The following AGAP1 variants were observed in gnomAD, a reference collection of about 807,000 sequenced individuals.
The protein encoded by AGAP1 is ArfGAP with GTPase domain, ankyrin repeat and PH domain 1.
In AGAP1, 29 loss-of-function variants were observed where a neutral mutation model predicts 105.3. That is an observed-to-expected ratio of 0.28 (90% CI 0.21 to 0.38). The LOEUF (loss-of-function observed/expected upper bound fraction) is 0.38, where lower values mean the gene tolerates loss of function less well. AGAP1 is among the 10% of genes least tolerant of loss of function. The probability of loss-of-function intolerance (pLI) is 1.00; values close to 1 mark genes in which losing one functional copy is unlikely to be tolerated. For synonymous variants in AGAP1, 509 were observed against 485.9 expected (o/e 1.05, Z -0.63); for missense variants, 998 against 1,165.1 (o/e 0.86, Z 2.09).
intron 12 of AGAP1, among the ~76,000 whole-genome samples, chr2:235,944,803 G>A (rs1238823775): frequency 2.6e-5 from 4 of 152,088 alleles, no homozygotes; most frequent in Non-Finnish European, 5.9e-5. Flanking sequence ...GGCGGGTCAG[G>A]CCCCCAGATG....
At chr2:235,826,526 T>G (rs1362613060) in intron 9 of AGAP1, among the ~76,000 whole-genome samples, 1 of 152,080 alleles carries the variant, frequency 6.6e-6, no homozygotes, top group South Asian at 2.1e-4. Flanking sequence ...CTCGGCTCAC[T>G]GCAACCTCCA....
In AGAP1 at chr2:235,724,257, C is replaced by T. The variant is rs538287994; in HGVS notation, c.310+6613C>T. On this transcript the variant is annotated intron_variant, in intron 3 of 17. Coordinates refer to ENST00000304032, the MANE Select transcript of AGAP1 (RefSeq NM_001037131.3). The surrounding 1 kb of genome is among the most constrained non-coding windows in gnomAD (Gnocchi z 4.9). ...AGCCAGCGAGCTCCTGGCCGGGAGCCTGGTAATGGGGATGGCTGGTAAAGG... is the reference window on the plus strand; with the variant it reads ...AGCCAGCGAGCTCCTGGCCGGGAGCTTGGTAATGGGGATGGCTGGTAAAGG... Among the ~76,000 whole-genome samples the T allele has an allele frequency of 6.6e-6, 1 of 152,328 alleles. No individual in the cohort carries two copies. The highest frequency in any genetic ancestry group is 1.5e-5 in the Non-Finnish European group (1 of 68,022).
At chr2:235,802,961 T>TGTG (rs1957602071) in intron 8 of AGAP1, among the ~76,000 whole-genome samples, 1 of 24,206 alleles carries the variant, frequency 4.1e-5, no homozygotes, top group Non-Finnish European at 8.8e-5. Flanking sequence ...TGATGATGGT[T>TGTG]GTGATGATGG....
intron 16 of AGAP1, among the ~76,000 whole-genome samples, chr2:236,060,443 C>T (rs2058159479): frequency 6.6e-6 from 1 of 152,080 alleles, no homozygotes; most frequent in African/African-American, 2.4e-5. Flanking sequence ...AACCCTAGCA[C>T]TTTGGGAGGC....
Position 235,663,253 on chromosome 2 carries a change from G to A in AGAP1, c.164-45926G>A, listed in dbSNP as rs1186718912. Among the ~76,000 whole-genome samples the A allele has an allele frequency of 6.6e-6, 1 of 152,088 alleles. No individual in the cohort carries two copies. The highest frequency in any genetic ancestry group is 2.4e-5 in the African/African-American group (1 of 41,422). On this transcript the variant is annotated intron_variant, in intron 1 of 17. Transcript: ENST00000304032. The surrounding 1 kb of genome is among the most constrained non-coding windows in gnomAD (Gnocchi z 5.4). The stretch of plus-strand genomic sequence containing the variant: ...GAACCTGGGAGACAGAGGTTGCAGT[G>A]AGCCAAGATTGCACCATTGCACTCC...
chr2:235,907,992 A>T (rs548561538), intron 10 of AGAP1, among the ~76,000 whole-genome samples: 6 of 152,216 alleles, frequency 3.9e-5, no homozygotes, highest in Non-Finnish European at 7.3e-5. Flanking sequence ...AGTGATGATG[A>T]TGCTGCACTA....
chr2:236,026,326 A>G (rs2057052202), intron 13 of AGAP1, among the ~76,000 whole-genome samples: 1 of 152,230 alleles, frequency 6.6e-6, no homozygotes, highest in African/African-American at 2.4e-5. Flanking sequence ...AGGGAGCCAG[A>G]CACCCGGCAG....
chr2:235,669,631 G>GCCGCCGGCCGC (rs1948261264), intron 1 of AGAP1: 1 of 129,158 alleles, frequency 7.7e-6, no homozygotes, highest in African/African-American at 3.8e-5. Flanking sequence ...ACCGCCGCCC[G>GCCGCCGGCCGC]CCGCCCGCCA....
At chr2:235,560,209 C>A (rs1944102069) in intron 1 of AGAP1, among the ~76,000 whole-genome samples, 1 of 152,070 alleles carries the variant, frequency 6.6e-6, no homozygotes, top group East Asian at 1.9e-4. Flanking sequence ...AAATGAAATT[C>A]TATTAATATT....
At position 236,080,073 on chromosome 2, in the gene AGAP1, G is replaced by A. The variant is rs546809997; in HGVS notation, c.2114+30792G>A. On this transcript the variant is annotated intron_variant, in intron 16 of 17. Transcript: ENST00000304032. This position sits in a 1 kb window ranked among gnomAD's most constrained non-coding sequence, Gnocchi z 4.2. ...ATGTAGTCAGGGCCCCATGGCATCC[G>A]CACACATCAAGGGCTGCATTGCAGG... Among the ~76,000 whole-genome samples the A allele has an allele frequency of 7.9e-5, 12 of 152,302 alleles. No individual in the cohort carries two copies. Among genetic ancestry groups the A allele is most frequent in the East Asian group, 5.8e-4 (3 of 5,186 alleles).
chr2:235,701,226 A>G lies in AGAP1; in HGVS notation c.164-7953A>G, dbSNP rs2149478398. 1.3e-5 allele frequency among the ~76,000 whole-genome samples: 2 copies of G among 151,930 alleles called. No homozygotes were observed. Among genetic ancestry groups the G allele is most frequent in the Middle Eastern group, 3.4e-3 (1 of 292 alleles). ...CCTCTAAGAAGTTACAAACCTGCAA[A>G]TCCTCTAGAGCCCATTTGGGCCGGC... On this transcript the variant is annotated intron_variant, in intron 1 of 17. Coordinates refer to ENST00000304032, the MANE Select transcript of AGAP1 (RefSeq NM_001037131.3). The surrounding 1 kb of genome is among the most constrained non-coding windows in gnomAD (Gnocchi z 4.1).
intron 1 of AGAP1, among the ~76,000 whole-genome samples, chr2:235,502,938 T>TTTAGCTTTAA (rs113252835): frequency 3.3e-5 from 5 of 151,488 alleles, no homozygotes; most frequent in South Asian, 4.2e-4. Context: ...AGAAAGTACA[T>TTTAGCTTTAA]TTAGCTTCAA....
At chr2:235,755,693 G>A (rs912719543) in intron 6 of AGAP1, among the ~76,000 whole-genome samples, 3 of 152,178 alleles carry the variant, frequency 2.0e-5, no homozygotes, top group Non-Finnish European at 2.9e-5. Flanking sequence ...CTCTGGCCTC[G>A]GCCTTCCAAA....
At position 236,000,777 on chromosome 2, in the gene AGAP1, G is replaced by C. The variant is rs111769555; in HGVS notation, c.1645+32154G>C. On this transcript the variant is annotated intron_variant, in intron 13 of 17. Transcript: ENST00000304032. This position sits in a 1 kb window ranked among gnomAD's most constrained non-coding sequence, Gnocchi z 4.3. ...TTGTGTTTGCAGTGAGGGCCACTAAGGGGGGCGGAGAAGACCCCTGACAGC... is the reference window on the plus strand; with the variant it reads ...TTGTGTTTGCAGTGAGGGCCACTAACGGGGGCGGAGAAGACCCCTGACAGC... 0.016 allele frequency among the ~76,000 whole-genome samples: 2,413 copies of C among 152,310 alleles called. 76 individuals are homozygous for C. The highest frequency in any genetic ancestry group is 0.055 in the African/African-American group (2,292 of 41,566).
chr2:235,536,681 C>T (rs1943250112), intron 1 of AGAP1, among the ~76,000 whole-genome samples: 1 of 147,568 alleles, frequency 6.8e-6, no homozygotes, highest in Non-Finnish European at 1.5e-5. Flanking sequence ...ACACACACCC[C>T]TTGCTTATGT....
chr2:235,643,035 G>C (rs1202902599), intron 1 of AGAP1, among the ~76,000 whole-genome samples: 1 of 152,130 alleles, frequency 6.6e-6, no homozygotes, highest in East Asian at 1.9e-4. Flanking sequence ...ATACACAGTT[G>C]GGACAGACTC....
intron 1 of AGAP1, among the ~76,000 whole-genome samples, chr2:235,579,247 G>A (rs1022059997): frequency 6.6e-6 from 1 of 152,094 alleles, no homozygotes; most frequent in Non-Finnish European, 1.5e-5. Context: ...CTGCAGAGCC[G>A]GGCTCAGTTT....
In AGAP1 at chr2:235,497,662, TCTCGG is replaced by T. The variant is rs1941376965; in HGVS notation, c.163+2817_163+2821del. On this transcript the variant is annotated intron_variant, in intron 1 of 17. Coordinates refer to ENST00000304032, the MANE Select transcript of AGAP1 (RefSeq NM_001037131.3). Reference sequence around the variant, plus strand: ...CCCAGGCTGGAGTGCAGCGGCGCAATCTCGGCTCACTGCAGGCTCCGCCCCGGGTT... The same window carrying T: ...CCCAGGCTGGAGTGCAGCGGCGCAATCTCACTGCAGGCTCCGCCCCGGGTT... Among the ~76,000 whole-genome samples, 8 of 152,350 alleles carry T rather than the reference TCTCGG, an allele frequency of 5.3e-5. No individual in the cohort carries two copies. The South Asian group carries it at 1.7e-3, about 32-fold the overall frequency.
chr2:235,895,742 GATGGATGA>G (rs373670869), intron 10 of AGAP1, among the ~76,000 whole-genome samples: 6,487 of 72,780 alleles, frequency 0.089, 185 homozygotes, highest in South Asian at 0.26. Flanking sequence ...TGGATGGATG[GATGGATGA>G]ATGGAGGCAC....
Sources: gnomAD v4.1 joint callset for allele counts (sites outside exome capture counted in the v4.1 genomes callset) on GRCh38, gnomAD v4.1.1 for gene constraint, Gnocchi (gnomAD v3.1) non-coding constraint, MANE v1.5 for transcripts, NCBI Gene and HGNC (gene_info 2026-07-23, HGNC 2026-07-21) for gene names.